Variants in SPAM1 observed in about 807,000 individuals in gnomAD.
The protein encoded by SPAM1 is sperm adhesion molecule 1.
A neutral mutation model predicts 29.6 loss-of-function variants in SPAM1; 22 were observed. The observed-to-expected ratio is 0.74, with a 90% CI of 0.53 to 1.06. The LOEUF (loss-of-function observed/expected upper bound fraction) is 1.06, where lower values mean the gene tolerates loss of function less well. Ranked by LOEUF, SPAM1 falls within the 50% of genes least tolerant of loss-of-function variation. The probability of loss-of-function intolerance (pLI) is 0.00; values close to 1 mark genes in which losing one functional copy is unlikely to be tolerated. For missense variants in SPAM1, 534 were observed against 604.0 expected, an observed-to-expected ratio of 0.88 and a Z score of 1.21; for synonymous variants, 194 against 204.6, an observed-to-expected ratio of 0.95 and a Z score of 0.44.
intron 1 of SPAM1, among the ~76,000 whole-genome samples, chr7:123,943,168 C>A (rs180752130): frequency 1.3e-5 from 2 of 152,230 alleles, no homozygotes; most frequent in South Asian, 2.1e-4. Flanking sequence ...GTCTTCCATG[C>A]GGTTTAGTCT....
At chr7:123,947,471 G>A (rs926671290) in intron 1 of SPAM1, among the ~76,000 whole-genome samples, 7 of 152,006 alleles carry the variant, frequency 4.6e-5, no homozygotes, top group Non-Finnish European at 7.4e-5. Flanking sequence ...GATCACTTGA[G>A]CTTGGGAGTT....
downstream of SPAM1, among the ~76,000 whole-genome samples, chr7:123,960,568 C>T (rs541422967): frequency 6.8e-4 from 104 of 152,072 alleles, no homozygotes; most frequent in Non-Finnish European, 1.4e-3. Flanking sequence ...GGAATACTTT[C>T]AGTGTATACA....
At chr7:123,929,896 T>TTTTTTTTTTC in intron 1 of SPAM1, among the ~76,000 whole-genome samples, 1 of 110,596 alleles carries the variant, frequency 9.0e-6, no homozygotes. Context: ...TGTTTAGGGA[T>TTTTTTTTTTC]TTTTTTTTTT....
In SPAM1 at chr7:123,954,376, A is replaced by C; in HGVS notation, c.806A>C (p.Gln269Pro). ...CCATCCATTTATTTGAACACTCAGC[A>C]GTCTCCTGTAGCTGCTACACTCTAT... Reference protein sequence around the residue: ...LYPSIYLNTQQSPVAATLYVR... With the variant: ...LYPSIYLNTQPSPVAATLYVR... The change falls in exon 3 of 5, where the codon CAG becomes CCG. Residue 269 changes from glutamine (Q) to proline (P), a missense_variant. Coordinates refer to ENST00000682466, the MANE Select transcript of SPAM1 (RefSeq NM_153189.3). 1 of 1,613,512 alleles carries C rather than the reference A, an allele frequency of 6.2e-7. No individual in the cohort carries two copies. The highest frequency in any genetic ancestry group is 8.5e-7 in the Non-Finnish European group (1 of 1,179,658).
intron 1 of SPAM1, among the ~76,000 whole-genome samples, chr7:123,936,523 G>A (rs1298386757): frequency 6.6e-6 from 1 of 152,128 alleles, no homozygotes; most frequent in Middle Eastern, 3.2e-3. Flanking sequence ...GCAGTTAGGG[G>A]GAATTGCAAT....
In SPAM1 at chr7:123,954,180, A is replaced by G; in HGVS notation, c.610A>G (p.Ile204Val). 6.2e-7 allele frequency: 1 copy of G among 1,613,632 alleles called. No homozygotes were observed. The highest frequency in any genetic ancestry group is 8.5e-7 in the Non-Finnish European group (1 of 1,179,750). Reference protein sequence around the residue: ...KAGKDFLVETIKLGKLLRPNH... With the variant: ...KAGKDFLVETVKLGKLLRPNH... ...AGGGAAGGATTTCCTGGTAGAGACT[A>G]TAAAATTGGGAAAATTACTTCGGCC... The change falls in exon 3 of 5, where the codon ATA becomes GTA. Residue 204 changes from isoleucine to valine, a missense_variant. Coordinates refer to ENST00000682466, the MANE Select transcript of SPAM1 (RefSeq NM_153189.3).
chr7:123,955,468 T>C (rs998485469), intron 4 of SPAM1, among the ~76,000 whole-genome samples: 1 of 152,012 alleles, frequency 6.6e-6, no homozygotes, highest in Non-Finnish European at 1.5e-5. Flanking sequence ...CCTTGTTGAC[T>C]CAATAGGAAA....
At position 123,959,821 on chromosome 7, in the gene SPAM1, A is replaced by G. The variant is rs765859255; in HGVS notation, c.1382A>G (p.Asp461Gly). 1.2e-6 allele frequency: 2 copies of G among 1,613,234 alleles called. No homozygotes were observed. Among genetic ancestry groups the G allele is most frequent in the Non-Finnish European group, 1.7e-6 (2 of 1,179,554 alleles). ...DTDAVDVCIA[D>G]GVCIDAFLKP... Reference sequence around the variant, plus strand: ...GATGCTGTTGATGTGTGTATTGCTGATGGTGTCTGTATAGATGCTTTTCTA... The same window carrying G: ...GATGCTGTTGATGTGTGTATTGCTGGTGGTGTCTGTATAGATGCTTTTCTA... Residue 461 changes from aspartate (D) to glycine (G), a missense_variant, in exon 5 of 5, where the codon GAT becomes GGT. Asp to Gly is a moderately conservative substitution (Grantham distance 94). Transcript: ENST00000682466.
intron 2 of SPAM1, among the ~76,000 whole-genome samples, chr7:123,950,567 C>G (rs1004403471): frequency 6.6e-6 from 1 of 152,094 alleles, no homozygotes; most frequent in Non-Finnish European, 1.5e-5. Flanking sequence ...CCAGCTCTAT[C>G]CATGTTGCTT....
intron 1 of SPAM1, among the ~76,000 whole-genome samples, chr7:123,926,848 TTAGA>T (rs555844788): frequency 4.6e-5 from 7 of 152,156 alleles, no homozygotes; most frequent in Non-Finnish European, 8.8e-5. Flanking sequence ...GAGGAAGCTC[TTAGA>T]TAGGAGATTT....
chr7:123,960,685 C>A (rs947375956), downstream of SPAM1, among the ~76,000 whole-genome samples: 2 of 151,778 alleles, frequency 1.3e-5, no homozygotes, highest in Admixed American at 6.6e-5. Flanking sequence ...CCCCATACCC[C>A]CCTAGAAACA....
chr7:123,936,785 GTGT>G (rs1476233701), intron 1 of SPAM1, among the ~76,000 whole-genome samples: 2 of 152,156 alleles, frequency 1.3e-5, no homozygotes, highest in Non-Finnish European at 2.9e-5. Flanking sequence ...TGCTGCAGAA[GTGT>G]TGTTTTAGCT....
At chr7:123,927,533 G>A (rs1807927745) in intron 1 of SPAM1, among the ~76,000 whole-genome samples, 1 of 152,120 alleles carries the variant, frequency 6.6e-6, no homozygotes, top group Non-Finnish European at 1.5e-5. Context: ...AGAAAGATGG[G>A]CAAGGCTGAT....
intron 1 of SPAM1, chr7:123,925,666 A>G (rs1807854451): frequency 6.6e-6 from 1 of 151,206 alleles, no homozygotes; most frequent in Non-Finnish European, 1.5e-5. Flanking sequence ...AACCTGGCAG[A>G]TGGCGGTTTT....
intron 5 of SPAM1, among the ~76,000 whole-genome samples, chr7:123,966,062 C>A (rs998996366): frequency 1.3e-5 from 2 of 151,796 alleles, no homozygotes; most frequent in Non-Finnish European, 2.9e-5. Flanking sequence ...GGAACTTACA[C>A]AAATACACAA....
intron 5 of SPAM1, among the ~76,000 whole-genome samples, chr7:123,966,243 T>C (rs763489270): frequency 1.3e-5 from 2 of 152,022 alleles, no homozygotes; most frequent in African/African-American, 4.8e-5. Context: ...CCAGTCAGAA[T>C]GGCAATTATT....
intron 1 of SPAM1, chr7:123,925,981 A>G (rs1807869705): frequency 6.6e-6 from 1 of 152,174 alleles, no homozygotes; most frequent in African/African-American, 2.4e-5. Flanking sequence ...CATAGGGTCT[A>G]ATTGACTTGA....
intron 1 of SPAM1, among the ~76,000 whole-genome samples, chr7:123,949,202 G>A (rs1808686981): frequency 6.6e-6 from 1 of 152,010 alleles, no homozygotes; most frequent in Non-Finnish European, 1.5e-5. Context: ...CCTCACTGAA[G>A]GGAAGCTGAG....
chr7:123,942,547 C>CT (rs1563024909), intron 1 of SPAM1, among the ~76,000 whole-genome samples: 1 of 152,078 alleles, frequency 6.6e-6, no homozygotes, highest in Non-Finnish European at 1.5e-5. Context: ...ATAATTGTTT[C>CT]TTTTTTAAAA....
Sources: allele counts gnomAD v4.1 joint callset (sites outside exome capture counted in the v4.1 genomes callset), GRCh38; gene constraint gnomAD v4.1.1; transcripts MANE v1.5; gene names NCBI Gene and HGNC (gene_info 2026-07-23, HGNC 2026-07-21).